ZKSCAN7: variants seen among roughly 807,000 people sequenced by gnomAD.
ZKSCAN7 encodes the protein zinc finger protein with KRAB and SCAN domains 7.
In ZKSCAN7, 38 loss-of-function variants were observed where a neutral mutation model predicts 65.3. That is an observed-to-expected ratio of 0.58 (90% confidence interval 0.45 to 0.76). The LOEUF (loss-of-function observed/expected upper bound fraction) is 0.76. Among genes scored for constraint, ZKSCAN7 ranks in the 30% least tolerant of loss-of-function variants. ZKSCAN7 has a pLI of 0.00. For synonymous variants in ZKSCAN7, 321 were observed against 321.0 expected (o/e 1.00, Z 0.00); for missense variants, 815 against 913.3 (o/e 0.89, Z 1.39).
Position 44,580,348 on chromosome 3 carries a change from G to T in ZKSCAN7, c.812-2624G>T. On this transcript the variant is annotated intron_variant, in intron 5 of 5. Coordinates refer to the ZKSCAN7 transcript ENST00000341840. ...TCCCGCAGGGAGCTGGCAGCAGGAG[G>T]CTGGCTCTGGCTGGGACTCTGAGCT... is the stretch of plus-strand genomic sequence containing the variant. 3 of 1,610,310 alleles carry T rather than the reference G, an allele frequency of 1.9e-6. No homozygotes were observed. The South Asian group carries it at 3.3e-5, about 18-fold the overall frequency.
chr3:44,578,209 C>T, intron 5 of ZKSCAN7: 1 of 1,526,798 alleles, frequency 6.5e-7, no homozygotes, highest in Non-Finnish European at 9.1e-7. Context: ...GTGTAGATGT[C>T]TTTGTGGTGT....
At position 44,577,678 on chromosome 3, in the gene ZKSCAN7, G is replaced by A. The variant is rs1039226079; in HGVS notation, c.812-5294G>A. On this transcript the variant is annotated intron_variant, in intron 5 of 5. Transcript: ENST00000341840. The stretch of plus-strand genomic sequence containing the variant: ...CAGGAAGGGACTAACACAGATGCCC[G>A]CCCAGCCCCCACTGCTGGCCTAATT... Among the ~76,000 whole-genome samples the A allele has an allele frequency of 3.9e-5, 6 of 152,252 alleles. 1 individual carries two copies. Among genetic ancestry groups the A allele is most frequent in the African/African-American group, 1.4e-4 (6 of 41,544 alleles).
intron 5 of ZKSCAN7, chr3:44,580,263 C>T (rs938576569): frequency 3.7e-6 from 6 of 1,613,746 alleles, no homozygotes; most frequent in African/African-American, 1.3e-5. Context: ...GACTTTGCGG[C>T]CACAGTCCAT....
intron 2 of ZKSCAN7, among the ~76,000 whole-genome samples, chr3:44,564,825 G>A (rs899835684): frequency 6.6e-6 from 1 of 151,722 alleles, no homozygotes; most frequent in African/African-American, 2.4e-5. Context: ...TTTTGAGACG[G>A]AGTCTCGCTC....
intron 2 of ZKSCAN7, among the ~76,000 whole-genome samples, chr3:44,561,362 C>T (rs917666916): frequency 6.6e-6 from 1 of 152,174 alleles, no homozygotes; most frequent in South Asian, 2.1e-4. Flanking sequence ...ATGATCCAGT[C>T]ATCTCCCACC....
intron 5 of ZKSCAN7, chr3:44,579,824 T>C (rs1448328014): frequency 1.2e-6 from 2 of 1,612,930 alleles, no homozygotes. Flanking sequence ...CCAGTGTTTC[T>C]TCCACTGGCT....
chr3:44,571,737 A>G lies in ZKSCAN7; in HGVS notation c.*362A>G. Reference sequence around the variant, plus strand: ...TTCTACTTCCTCCATTTCACCATTTATACAAAGTCATTCAAAAAGGCTGAT... The same window carrying G: ...TTCTACTTCCTCCATTTCACCATTTGTACAAAGTCATTCAAAAAGGCTGAT... On this transcript the variant is annotated 3_prime_UTR_variant, in exon 6 of 6. Transcript: ENST00000426540. 2 of 1,050,850 alleles carry G rather than the reference A, an allele frequency of 1.9e-6. No homozygotes were observed. The highest frequency in any genetic ancestry group is 2.3e-6 in the Non-Finnish European group (2 of 869,682). 65.1% of individuals were successfully genotyped at this position (1,050,850 alleles called of 1,614,324 possible). A position where few individuals can be genotyped will look rare whatever the true frequency, so the allele number is the denominator to read the frequency against.
chr3:44,578,959 G>T (rs538840595), intron 5 of ZKSCAN7, among the ~76,000 whole-genome samples: 1 of 152,212 alleles, frequency 6.6e-6, no homozygotes, highest in Non-Finnish European at 1.5e-5. Flanking sequence ...GCTCCAGAAG[G>T]TCTGAGGCCT....
intron 1 of ZKSCAN7, among the ~76,000 whole-genome samples, chr3:44,556,694 G>C (rs559809020): frequency 1.3e-4 from 20 of 152,224 alleles, no homozygotes; most frequent in Admixed American, 9.8e-4. Context: ...GGTTGTGAAG[G>C]GGGTAAGGCC....
In ZKSCAN7 at chr3:44,572,004, A is replaced by T. The variant is rs1356065447; in HGVS notation, c.*629A>T. 2 of 985,984 alleles carry T rather than the reference A, an allele frequency of 2.0e-6. No homozygotes were observed. The highest frequency in any genetic ancestry group is 1.2e-4 in the Admixed American group (2 of 16,392). 61.1% of individuals were successfully genotyped at this position (985,984 alleles called of 1,614,324 possible). A position where few individuals can be genotyped will look rare whatever the true frequency, so the allele number is the denominator to read the frequency against. On this transcript the variant is annotated 3_prime_UTR_variant, in exon 6 of 6. Coordinates refer to ENST00000426540, the MANE Select transcript of ZKSCAN7 (RefSeq NM_001288590.2). ...GCTTTGAATTCACTGGTGCTACAAT[A>T]TGTAACTGTGGTTAATTGCCTTGTA...
chr3:44,558,246 T>C (rs1699357564), intron 2 of ZKSCAN7, among the ~76,000 whole-genome samples: 2 of 151,936 alleles, frequency 1.3e-5, no homozygotes, highest in South Asian at 2.1e-4. Flanking sequence ...TATTGGTGGC[T>C]GGGCATGGTA....
rs1009460727 is a variant in ZKSCAN7, at chr3:44,556,162, CTGA to C, written c.-119+683_-119+685del. On this transcript the variant is annotated intron_variant, in intron 1 of 5. Coordinates refer to ENST00000426540, the MANE Select transcript of ZKSCAN7 (RefSeq NM_001288590.2). ...TGAGTAAAAAAAGGTCTAGTATTTT[CTGA>C]TTCCATTTGGTTCCTTTCCTTTGGT... Among the ~76,000 whole-genome samples the C allele has an allele frequency of 5.9e-4, 90 of 152,320 alleles. 1 individual carries two copies. Among genetic ancestry groups the C allele is most frequent in the African/African-American group, 1.8e-3 (74 of 41,562 alleles).
intron 5 of ZKSCAN7, chr3:44,579,892 G>A (rs529038967): frequency 8.1e-6 from 13 of 1,608,944 alleles, no homozygotes; most frequent in South Asian, 3.3e-5. Context: ...CGGGCGTCAC[G>A]GAGGGCTCTG....
At chr3:44,562,169 C>T (rs1699492852) in intron 2 of ZKSCAN7, among the ~76,000 whole-genome samples, 1 of 152,240 alleles carries the variant, frequency 6.6e-6, no homozygotes, top group Non-Finnish European at 1.5e-5. Flanking sequence ...CAACTCTTGC[C>T]TTCTGCACAC....
chr3:44,580,158 G>T (rs183629981), intron 5 of ZKSCAN7: 3 of 1,611,194 alleles, frequency 1.9e-6, no homozygotes, highest in Non-Finnish European at 2.5e-6. Flanking sequence ...GGGGGTGCTG[G>T]GGCTGGGAGG....
At position 44,555,279 on chromosome 3, in the gene ZKSCAN7, G is replaced by C. The variant is rs113482402; in HGVS notation, c.-321G>C. 1.3e-5 allele frequency: 2 copies of C among 152,402 alleles called. No homozygotes were observed. The highest frequency in any genetic ancestry group is 3.9e-4 in the East Asian group (2 of 5,182). The allele number at this position is 152,402 out of a possible 1,614,324, so 9.4% of individuals were successfully genotyped here. ...AGTGCCACCGCGAGTGGGCCGAGAC[G>C]CGGAGGGAGGCGCGGCCGGAGCTCG... On this transcript the variant is annotated 5_prime_UTR_variant, in exon 1 of 6. Transcript: ENST00000426540.
At position 44,571,326 on chromosome 3, in the gene ZKSCAN7, G is replaced by A. The variant is rs770205622; in HGVS notation, c.2216G>A (p.Arg739Gln). The stretch of plus-strand genomic sequence containing the variant: ...CGTTCCACTTTTAATCACCACCAGC[G>A]AACTCACACTGGAGAGAAGTCCTCA... ...SQRSTFNHHQ[R>Q]THTGEKSSGL... Residue 739 changes from arginine (R) to glutamine (Q), a missense_variant, in exon 6 of 6, where the codon CGA becomes CAA. By Grantham distance (43) the Arg-to-Gln change is conservative. Coordinates refer to ENST00000426540, the MANE Select transcript of ZKSCAN7 (RefSeq NM_001288590.2). 1.7e-5 allele frequency: 28 copies of A among 1,614,076 alleles called. No individual in the cohort carries two copies. Among genetic ancestry groups the A allele is most frequent in the Admixed American group, 1.7e-5 (1 of 60,008 alleles).
downstream of ZKSCAN7, among the ~76,000 whole-genome samples, chr3:44,575,116 G>A (rs1699896822): frequency 6.6e-6 from 1 of 152,114 alleles, no homozygotes; most frequent in Non-Finnish European, 1.5e-5. Context: ...AACACGTCAA[G>A]ACCCTGTCCC....
intron 5 of ZKSCAN7, among the ~76,000 whole-genome samples, chr3:44,581,922 C>A (rs956922192): frequency 1.3e-5 from 2 of 152,172 alleles, no homozygotes; most frequent in Admixed American, 6.5e-5. Flanking sequence ...AAGATGTTGA[C>A]CTTTTTCTGG....
Sources: gnomAD v4.1 joint callset for allele counts (sites outside exome capture counted in the v4.1 genomes callset) on GRCh38, gnomAD v4.1.1 for gene constraint, MANE v1.5 for transcripts, NCBI Gene and HGNC (gene_info 2026-07-23, HGNC 2026-07-21) for gene names.